Variants in ITGA5 observed in about 807,000 individuals in gnomAD.
ITGA5 encodes integrin subunit alpha 5.
In ITGA5, 55 loss-of-function variants were observed where a neutral mutation model predicts 146.3. The ratio of observed to expected loss-of-function variants is 0.38; its 90% CI spans 0.30 to 0.47. The LOEUF is 0.47. ITGA5 is among the 20% of genes least tolerant of loss of function. ITGA5 has a pLI of 0.99. For missense variants in ITGA5, 1,131 were observed against 1,329.0 expected (o/e 0.85, Z 2.32); for synonymous variants, 500 against 531.8 (o/e 0.94, Z 0.82).
intron 2 of ITGA5, among the ~76,000 whole-genome samples, chr12:54,410,345 TCC>T (rs1367251790): frequency 1.3e-5 from 1 of 79,730 alleles, no homozygotes; most frequent in Non-Finnish European, 2.3e-5. Flanking sequence ...TTGTTCCACC[TCC>T]TTTTTTTTTT....
At position 54,401,029 on chromosome 12, in the gene ITGA5, G is replaced by A. The variant is rs1477185089; in HGVS notation, c.2494-34C>T. 9 of 1,602,376 alleles carry A rather than the reference G, an allele frequency of 5.6e-6. No homozygotes were observed. Among genetic ancestry groups the A allele is most frequent in the Non-Finnish European group, 6.8e-6 (8 of 1,173,008 alleles). Reference sequence around the variant, plus strand: ...GGAAGAGCACAATCATCATGAGAAGGAAGGGAATGCTTCTGCCCCATTGAG... The same window carrying A: ...GGAAGAGCACAATCATCATGAGAAGAAAGGGAATGCTTCTGCCCCATTGAG... On this transcript the variant is annotated intron_variant, in intron 24 of 29. Coordinates refer to ENST00000293379, the MANE Select transcript of ITGA5 (RefSeq NM_002205.5). This position sits in a 1 kb window ranked among gnomAD's most constrained non-coding sequence, Gnocchi z 5.0.
At chr12:54,398,438 G>C (rs921338777) in intron 28 of ITGA5, among the ~76,000 whole-genome samples, 159 bp downstream of exon 28, 2 of 152,168 alleles carry the variant, frequency 1.3e-5, no homozygotes, top group African/African-American at 4.8e-5. Context: ...TGTTGATCTT[G>C]CTTACCACTC....
In ITGA5 at chr12:54,402,047, C is replaced by T. The variant is rs766902219; in HGVS notation, c.2180G>A (p.Arg727His). The T allele has an allele frequency of 1.4e-5, 22 of 1,614,034 alleles. No homozygotes were observed. Among genetic ancestry groups the T allele is most frequent in the East Asian group, 4.5e-5 (2 of 44,886 alleles). The change falls in exon 21 of 30, where the codon CGC becomes CAC. Residue 727 changes from arginine (R) to histidine (H), a missense_variant. Arg to His is a conservative substitution (Grantham distance 29). Coordinates refer to ENST00000293379, the MANE Select transcript of ITGA5 (RefSeq NM_002205.5). The part of the protein sequence containing the change: ...SCDYFAVNQS[R>H]LLVCDLGNPM... ...GTTGCCCAGGTCACACACCAGCAGG[C>T]GGCTCTGGTTCACGGCAAAGTAGTC...
Position 54,401,796 on chromosome 12 carries a change from C to G in ITGA5, c.2286G>C (p.Gln762His), listed in dbSNP as rs1362305130. The change falls in exon 22 of 30, where the codon CAG becomes CAC. Residue 762 changes from glutamine to histidine, a missense_variant. Physicochemically the swap from Gln to His is conservative, Grantham distance 24 (BLOSUM62 0). Around this residue, in one of 3 missense-constraint regions of ITGA5, gnomAD observed 889 missense variants for 1,021.5 expected, o/e 0.87. Coordinates refer to ENST00000293379, the MANE Select transcript of ITGA5 (RefSeq NM_002205.5). The surrounding 1 kb of genome is among the most constrained non-coding windows in gnomAD (Gnocchi z 5.0). ...CCTACCTGAGGATCTGGAAGTCAAA[C>G]TGGATGGTTTTCTTAGTGTCCCGGA... ...PHLRDTKKTI[Q>H]FDFQILSKNL... The G allele has an allele frequency of 6.2e-7, 1 of 1,614,072 alleles. No individual in the cohort carries two copies.
In ITGA5 at chr12:54,401,892, C is replaced by G. The variant is rs1047973850; in HGVS notation, c.2227-37G>C. ...AAAAGAGGAAAAGAGGGCAGTTAGA[C>G]TGTGTATTTCACCCTCCCTCCGCAC... On this transcript the variant is annotated intron_variant, in intron 21 of 29. Coordinates refer to ENST00000293379, the MANE Select transcript of ITGA5 (RefSeq NM_002205.5). This position sits in a 1 kb window ranked among gnomAD's most constrained non-coding sequence, Gnocchi z 5.0. 1.8e-5 allele frequency: 29 copies of G among 1,607,006 alleles called. No homozygotes were observed. The highest frequency in any genetic ancestry group is 3.3e-4 in the Middle Eastern group (2 of 6,050).
chr12:54,402,112 C>T lies in ITGA5; in HGVS notation c.2134-19G>A, dbSNP rs773978717. 14 of 1,613,880 alleles carry T rather than the reference C, an allele frequency of 8.7e-6. No individual in the cohort carries two copies. Among genetic ancestry groups the T allele is most frequent in the Non-Finnish European group, 1.2e-5 (14 of 1,179,914 alleles). ...AGAAGTTCTGGAGATGGGGTGGGCACTGGTCAGGTTTTGGTGTCCCCTCTA... is the reference window on the plus strand; with the variant it reads ...AGAAGTTCTGGAGATGGGGTGGGCATTGGTCAGGTTTTGGTGTCCCCTCTA... On this transcript the variant is annotated intron_variant, in intron 20 of 29. Transcript: ENST00000293379.
intron 29 of ITGA5, 49 bp downstream of exon 29, chr12:54,397,316 G>A: frequency 6.2e-7 from 1 of 1,609,740 alleles, no homozygotes; most frequent in Non-Finnish European, 8.5e-7. Context: ...CAGGTCAAGG[G>A]CAGAGCCTGA....
Position 54,398,671 on chromosome 12 carries a change from A to G in ITGA5, c.2869T>C (p.Cys957Arg). The G allele has an allele frequency of 6.2e-7, 1 of 1,605,142 alleles. No homozygotes were observed. The highest frequency in any genetic ancestry group is 8.5e-7 in the Non-Finnish European group (1 of 1,176,698). Residue 957 changes from cysteine (C) to arginine (R), a missense_variant, in exon 28 of 30, where the codon TGT (cysteine) becomes CGT (arginine). By Grantham distance (180) the Cys-to-Arg change is radical. Around this residue, in one of 3 missense-constraint regions of ITGA5, gnomAD observed 889 missense variants for 1,021.5 expected, o/e 0.87. Transcript: ENST00000293379. Reference protein sequence around the residue: ...QREHQPFSLQCEAVYKALKMP... With the variant: ...QREHQPFSLQREAVYKALKMP... ...TTCAGGGCTTTGTACACAGCCTCACACTGCAGGCTAAATGGCTGGTGCTCC... is the reference window on the plus strand; with the variant it reads ...TTCAGGGCTTTGTACACAGCCTCACGCTGCAGGCTAAATGGCTGGTGCTCC...
rs201031426 is a variant in ITGA5, at chr12:54,399,716, C to G, written c.2770G>C (p.Gly924Arg). The change falls in exon 27 of 30, where the codon GGG becomes CGG. Residue 924 changes from glycine to arginine, a missense_variant. Gly to Arg is a moderately radical substitution (Grantham distance 125). Around this residue, in one of 3 missense-constraint regions of ITGA5, gnomAD observed 889 missense variants for 1,021.5 expected, o/e 0.87. Transcript: ENST00000293379. ...TGGCTCTCTTGTTGGTGCAGGGGCC[C>G]GAGCTCACAGCGCAGCCTGAAACAC... ...AECFRLRCEL[G>R]PLHQQESQSL... The G allele has an allele frequency of 1.2e-6, 2 of 1,614,046 alleles. No homozygotes were observed. Among genetic ancestry groups the G allele is most frequent in the African/African-American group, 2.7e-5 (2 of 74,926 alleles).
chr12:54,399,178 A>G (rs1324635642), intron 27 of ITGA5, among the ~76,000 whole-genome samples: 2 of 151,994 alleles, frequency 1.3e-5, no homozygotes, highest in East Asian at 3.9e-4. Context: ...CTTATATGAG[A>G]TAATAAATGT....
chr12:54,409,479 C>T lies in ITGA5; in HGVS notation c.462+6G>A. ...CACCACACCACTGAGCTTGCTGGCC[C>T]CTCACCAAGATGGAGGAGCCATGGG... On this transcript the variant is annotated splice_donor_region_variant and intron_variant, in intron 3 of 29. Coordinates refer to ENST00000293379, the MANE Select transcript of ITGA5 (RefSeq NM_002205.5). This position sits in a 1 kb window ranked among gnomAD's most constrained non-coding sequence, Gnocchi z 4.7. 1.2e-6 allele frequency: 2 copies of T among 1,612,352 alleles called. No homozygotes were observed. The highest frequency in any genetic ancestry group is 1.7e-6 in the Non-Finnish European group (2 of 1,178,438).
chr12:54,408,161 C>T lies in ITGA5; in HGVS notation c.766G>A (p.Gly256Arg). The change falls in exon 7 of 30, where the codon GGG (glycine) becomes AGG (arginine). Residue 256 changes from glycine to arginine, a missense_variant. By Grantham distance (125) the Gly-to-Arg change is moderately radical. This residue lies in a region of ITGA5 where 889 missense variants were observed against 1,021.5 expected (regional missense o/e 0.87). Transcript: ENST00000293379. The part of the protein sequence containing the change: ...YPEYLINLVQ[G>R]QLQTRQASSI... ...CTGGCCTGGCGAGTCTGCAGCTGCC[C>T]CTGAACCAGGTTGATCAGGTACTCG... 2 of 1,614,142 alleles carry T rather than the reference C, an allele frequency of 1.2e-6. No homozygotes were observed. The highest frequency in any genetic ancestry group is 1.1e-5 in the South Asian group (1 of 91,070).
chr12:54,403,145 G>A lies in ITGA5; in HGVS notation c.1914+42C>T, dbSNP rs760684067. The A allele has an allele frequency of 2.5e-6, 4 of 1,588,186 alleles. No individual in the cohort carries two copies. In the Admixed American group the frequency reaches 5.4e-5, roughly 21 times the overall value. On this transcript the variant is annotated intron_variant, in intron 18 of 29. Coordinates refer to ENST00000293379, the MANE Select transcript of ITGA5 (RefSeq NM_002205.5). The surrounding 1 kb of genome is among the most constrained non-coding windows in gnomAD (Gnocchi z 4.9). ...ATGGCCCTGCCCCCCCAATACCCAG[G>A]CCTCTGTCTTCCCAGGTCCCTTCTC...
intron 2 of ITGA5, among the ~76,000 whole-genome samples, chr12:54,410,103 C>T (rs545171831): frequency 6.6e-6 from 1 of 152,122 alleles, no homozygotes; most frequent in African/African-American, 2.4e-5. Flanking sequence ...GACCTGCCCG[C>T]CTCAGCCTCC....
At chr12:54,406,198 G>A (rs1955864521) in intron 9 of ITGA5, 2 of 529,062 alleles carry the variant, frequency 3.8e-6, no homozygotes, top group Admixed American at 3.1e-5. Context: ...CCACTAGAAT[G>A]TAAGATCAAT....
chr12:54,410,664 T>G (rs1955932118), intron 2 of ITGA5, among the ~76,000 whole-genome samples: 1 of 151,782 alleles, frequency 6.6e-6, no homozygotes, highest in African/African-American at 2.4e-5. Context: ...ACTCAAGTGA[T>G]TCTCCCACCT....
intron 9 of ITGA5, among the ~76,000 whole-genome samples, chr12:54,406,330 G>A (rs1307544421): frequency 6.6e-6 from 1 of 152,104 alleles, no homozygotes; most frequent in Non-Finnish European, 1.5e-5. Context: ...AACCCATCAC[G>A]TTCAAAACCT....
chr12:54,401,340 C>A lies in ITGA5; in HGVS notation c.2493+33G>T, dbSNP rs921266903. Reference sequence around the variant, plus strand: ...CTCATATTAGCTCCTCCTTTCCCATCATTCATTCTGGCCCTGCCCCTTCCC... The same window carrying A: ...CTCATATTAGCTCCTCCTTTCCCATAATTCATTCTGGCCCTGCCCCTTCCC... On this transcript the variant is annotated intron_variant, in intron 24 of 29. Coordinates refer to ENST00000293379, the MANE Select transcript of ITGA5 (RefSeq NM_002205.5). The surrounding 1 kb of genome is among the most constrained non-coding windows in gnomAD (Gnocchi z 5.0). 1 of 1,443,816 alleles carries A rather than the reference C, an allele frequency of 6.9e-7. No homozygotes were observed. The highest frequency in any genetic ancestry group is 9.8e-7 in the Non-Finnish European group (1 of 1,025,578). 89.4% of individuals were successfully genotyped at this position (1,443,816 alleles called of 1,614,324 possible). A position where few individuals can be genotyped will look rare whatever the true frequency, so the allele number is the denominator to read the frequency against.
chr12:54,398,835 C>CTCTCT, intron 27 of ITGA5, 137 bp from the exon 28 acceptor site: 2 of 220,292 alleles, frequency 9.1e-6, no homozygotes, highest in Non-Finnish European at 1.6e-5. Flanking sequence ...CTCTCTCTCT[C>CTCTCT]TTTTTTTTTT....
Sources: allele counts gnomAD v4.1 joint callset (sites outside exome capture counted in the v4.1 genomes callset), GRCh38; gene constraint gnomAD v4.1.1; regional missense constraint gnomAD v4.1.1; non-coding constraint Gnocchi (gnomAD v3.1); transcripts MANE v1.5; gene names NCBI Gene and HGNC (gene_info 2026-07-23, HGNC 2026-07-21).